The following ADGRL3 variants were observed in gnomAD, a reference collection of about 807,000 sequenced individuals.
The protein encoded by ADGRL3 is adhesion G protein-coupled receptor L3.
Under a neutral mutation model 153.5 loss-of-function variants are expected in ADGRL3, and 62 were observed. The ratio of observed to expected loss-of-function variants is 0.40; its 90% confidence interval spans 0.33 to 0.50. The LOEUF is 0.50. ADGRL3 is among the 20% of genes least tolerant of loss of function. The pLI, the probability that ADGRL3 is intolerant of heterozygous loss-of-function variation, is 0.47. For missense variants in ADGRL3, 1,641 were observed against 1,859.4 expected, an observed-to-expected ratio of 0.88 and a Z score of 2.16; for synonymous variants, 710 against 672.5, an observed-to-expected ratio of 1.06 and a Z score of -0.86.
chr4:61,994,787 A>G (rs904609207), intron 19 of ADGRL3, among the ~76,000 whole-genome samples: 3 of 151,924 alleles, frequency 2.0e-5, no homozygotes, highest in Non-Finnish European at 4.4e-5. Context: ...ATATCCATCA[A>G]AAATATATTG....
chr4:61,492,758 G>A (rs1158672355), intron 2 of ADGRL3, among the ~76,000 whole-genome samples: 1 of 151,954 alleles, frequency 6.6e-6, no homozygotes, highest in Non-Finnish European at 1.5e-5. Flanking sequence ...AATAAGTAAG[G>A]AAGTTTCCAA....
intron 16 of ADGRL3, among the ~76,000 whole-genome samples, chr4:61,947,882 T>TA (rs1288551246): frequency 5.3e-5 from 8 of 152,070 alleles, no homozygotes; most frequent in Non-Finnish European, 1.5e-5. Context: ...AGTGTTAATT[T>TA]AAAAAAATAG....
At chr4:61,502,544 G>A (rs2098398693) in intron 3 of ADGRL3, among the ~76,000 whole-genome samples, 1 of 150,782 alleles carries the variant, frequency 6.6e-6, no homozygotes, top group Non-Finnish European at 1.5e-5. Flanking sequence ...ATATATTCAG[G>A]GACTTTACTG....
At chr4:61,859,765 G>T (rs902973384) in intron 9 of ADGRL3, among the ~76,000 whole-genome samples, 39 of 152,122 alleles carry the variant, frequency 2.6e-4, no homozygotes, top group African/African-American at 9.4e-4. Flanking sequence ...CTATTTCTGT[G>T]GTGTGTAGTA....
chr4:61,692,335 TC>T (rs1232358202), intron 6 of ADGRL3, among the ~76,000 whole-genome samples: 1 of 150,398 alleles, frequency 6.6e-6, no homozygotes, highest in African/African-American at 2.5e-5. Flanking sequence ...CCCCTCTATT[TC>T]TCAACCCCAT....
At chr4:61,964,763 A>C (rs1307542187) in intron 17 of ADGRL3, among the ~76,000 whole-genome samples, 1 of 152,038 alleles carries the variant, frequency 6.6e-6, no homozygotes, top group Non-Finnish European at 1.5e-5. Flanking sequence ...TTTTAAAAAA[A>C]TTTAAATATA....
chr4:61,593,250 C>G (rs1242585754), intron 5 of ADGRL3, among the ~76,000 whole-genome samples: 1 of 152,100 alleles, frequency 6.6e-6, no homozygotes, highest in Non-Finnish European at 1.5e-5. Context: ...ATTGATTCAT[C>G]ATTTAGTCCT....
intron 1 of ADGRL3, among the ~76,000 whole-genome samples, chr4:61,229,572 A>G (rs1219218716): frequency 6.6e-6 from 1 of 151,142 alleles, no homozygotes; most frequent in Non-Finnish European, 1.5e-5. Context: ...GGGTATCTTT[A>G]ATTTTGTAAA....
intron 18 of ADGRL3, among the ~76,000 whole-genome samples, chr4:61,982,829 T>G (rs1019239929): frequency 1.3e-5 from 2 of 152,170 alleles, no homozygotes; most frequent in Admixed American, 6.6e-5. Flanking sequence ...AAATCATTTT[T>G]GAAACAAGGC....
chr4:61,485,106 G>A (rs996045031), intron 2 of ADGRL3, among the ~76,000 whole-genome samples: 2 of 151,908 alleles, frequency 1.3e-5, no homozygotes, highest in African/African-American at 4.8e-5. Context: ...GGGTATTTTG[G>A]GCACTGATAT....
chr4:61,765,316 G>A (rs1251770292), intron 8 of ADGRL3, among the ~76,000 whole-genome samples: 7 of 152,100 alleles, frequency 4.6e-5, no homozygotes, highest in Non-Finnish European at 1.0e-4. Context: ...TGAGACTGGA[G>A]CCTAATAAAA....
chr4:61,933,672 G>T (rs777448404), intron 13 of ADGRL3, among the ~76,000 whole-genome samples: 6 of 152,096 alleles, frequency 3.9e-5, no homozygotes, highest in Admixed American at 1.3e-4. Flanking sequence ...TTTGAAGCTG[G>T]TGTTAATTGG....
At chr4:61,623,418 G>T (rs188889585) in intron 5 of ADGRL3, among the ~76,000 whole-genome samples, 162 of 152,078 alleles carry the variant, frequency 1.1e-3, no homozygotes, top group African/African-American at 3.7e-3. Context: ...TCAAGCAGAA[G>T]TATGTAGTCA....
intron 1 of ADGRL3, among the ~76,000 whole-genome samples, chr4:61,367,228 CTTTTTTTTTTA>C (rs1190615439): frequency 1.4e-5 from 2 of 146,640 alleles, no homozygotes; most frequent in Non-Finnish European, 3.0e-5. Flanking sequence ...AAAACTGTCG[CTTTTTTTTTTA>C]TTTTTTTATT....
chr4:61,236,113 G>A lies in ADGRL3; in HGVS notation c.-240+34348G>A, dbSNP rs184140797. Among the ~76,000 whole-genome samples the A allele has an allele frequency of 2.3e-3, 336 of 145,926 alleles. 1 individual carries two copies. Among genetic ancestry groups the A allele is most frequent in the Middle Eastern group, 7.2e-3 (2 of 278 alleles). On this transcript the variant is annotated intron_variant, in intron 1 of 26. Coordinates refer to ENST00000683033, the MANE Select transcript of ADGRL3 (RefSeq NM_001387552.1). Reference sequence around the variant, plus strand: ...CAGCCTCCACCTCCTGGGTCCAAGCGATTCTCCTGTCTCAACCTCCCAAGT... The same window carrying A: ...CAGCCTCCACCTCCTGGGTCCAAGCAATTCTCCTGTCTCAACCTCCCAAGT...
chr4:61,378,529 C>T (rs1200968771), intron 1 of ADGRL3, among the ~76,000 whole-genome samples: 1 of 151,940 alleles, frequency 6.6e-6, no homozygotes, highest in East Asian at 1.9e-4. Flanking sequence ...GACTTCAGCA[C>T]AGTGTTTAAA....
At chr4:61,422,320 C>G (rs976256528) in intron 2 of ADGRL3, among the ~76,000 whole-genome samples, 2 of 152,158 alleles carry the variant, frequency 1.3e-5, no homozygotes, top group Admixed American at 1.3e-4. Context: ...TTAAAACATT[C>G]TTAAATATTT....
chr4:61,882,014 C>A (rs1371857935), intron 9 of ADGRL3, among the ~76,000 whole-genome samples: 1 of 152,076 alleles, frequency 6.6e-6, no homozygotes, highest in African/African-American at 2.4e-5. Context: ...CAGTTTGTTT[C>A]TTTATTTGTT....
At chr4:61,255,350 T>C (rs996691460) in intron 1 of ADGRL3, among the ~76,000 whole-genome samples, 6 of 152,226 alleles carry the variant, frequency 3.9e-5, no homozygotes, top group Admixed American at 3.9e-4. Flanking sequence ...AGATTCTTCT[T>C]AGTAAACATT....
Sources: gnomAD v4.1 joint callset for allele counts (sites outside exome capture counted in the v4.1 genomes callset) on GRCh38, gnomAD v4.1.1 for gene constraint, MANE v1.5 for transcripts, NCBI Gene and HGNC (gene_info 2026-07-23, HGNC 2026-07-21) for gene names.